The following NDUFAF6 variants were observed in gnomAD, a reference collection of about 807,000 sequenced individuals.
NDUFAF6 encodes the protein NADH dehydrogenase (ubiquinone) complex I, assembly factor 6.
Under a neutral mutation model 40.8 loss-of-function variants are expected in NDUFAF6, and 45 were observed. The observed-to-expected ratio is 1.10, with a 90% CI of 0.87 to 1.42. The LOEUF (loss-of-function observed/expected upper bound fraction) is 1.42, where lower values mean the gene tolerates loss of function less well. Among genes scored for constraint, NDUFAF6 ranks in the 40% most tolerant of loss-of-function variants. The pLI, the probability that NDUFAF6 is intolerant of heterozygous loss-of-function variation, is 0.00. For missense variants in NDUFAF6, 435 were observed against 418.5 expected (o/e 1.04, Z -0.34); for synonymous variants, 185 against 155.9 (o/e 1.19, Z -1.39).
At chr8:95,029,441 T>C (rs1418790625) in intron 1 of NDUFAF6, among the ~76,000 whole-genome samples, 6 of 152,360 alleles carry the variant, frequency 3.9e-5, no homozygotes, top group Admixed American at 3.3e-4. Flanking sequence ...CCCTTAATAC[T>C]TTGGTCTGTA....
chr8:95,018,677 T>A (rs1827568013), intron 2 of NDUFAF6, among the ~76,000 whole-genome samples: 1 of 152,208 alleles, frequency 6.6e-6, no homozygotes, highest in East Asian at 1.9e-4. Context: ...CAAATTGTAT[T>A]GAACTGATTG....
intron 4 of NDUFAF6, among the ~76,000 whole-genome samples, chr8:95,113,937 A>T (rs1337705363): frequency 6.9e-6 from 1 of 145,508 alleles, no homozygotes; most frequent in African/African-American, 2.5e-5. Context: ...ATTCTCACTC[A>T]CAGGTGGGAA....
chr8:94,959,283 G>A (rs575945682), intron 1 of NDUFAF6, among the ~76,000 whole-genome samples: 2 of 152,288 alleles, frequency 1.3e-5, no homozygotes, highest in South Asian at 2.1e-4. Context: ...AATCTCCCAG[G>A]ATGTAAAGGA....
In NDUFAF6 at chr8:95,047,033, T is replaced by C. The variant is rs1159903399; in HGVS notation, c.620T>C (p.Ile207Thr). ...CATGCAGATCATGCTGCAAGTCATA[T>C]TGGAAAAGCACAAGGCATTGTCACT... ...DLHADHAASHIGKAQGIVTCL... is the reference protein window; with the variant it reads ...DLHADHAASHTGKAQGIVTCL... Residue 207 changes from isoleucine (I) to threonine (T), a missense_variant, in exon 6 of 9, where the codon ATT becomes ACT. Physicochemically the swap from Ile to Thr is moderately conservative, Grantham distance 89. Transcript: ENST00000396124. 1.9e-6 allele frequency: 3 copies of C among 1,614,190 alleles called. No individual in the cohort carries two copies. The highest frequency in any genetic ancestry group is 1.1e-5 in the South Asian group (1 of 91,084).
intron 1 of NDUFAF6, among the ~76,000 whole-genome samples, chr8:94,901,414 A>G (rs142866871): frequency 1.3e-5 from 2 of 152,120 alleles, no homozygotes; most frequent in Non-Finnish European, 2.9e-5. Flanking sequence ...CACTCAGGAT[A>G]TACGCTGAAA....
chr8:94,927,262 TAA>T (rs1190827349), intron 1 of NDUFAF6: 2 of 152,640 alleles, frequency 1.3e-5, no homozygotes, highest in African/African-American at 4.8e-5. Flanking sequence ...TACATAAAGA[TAA>T]TATATAATGT....
chr8:94,934,714 T>TA (rs1376860217), intron 1 of NDUFAF6, among the ~76,000 whole-genome samples: 2 of 151,962 alleles, frequency 1.3e-5, no homozygotes, highest in African/African-American at 4.8e-5. Context: ...TCCTCAGAGG[T>TA]AAAATCATAA....
exon 3 of NDUFAF6, chr8:95,103,049 GTGACCCCGA>G (rs1023391266): frequency 6.6e-6 from 1 of 152,058 alleles, no homozygotes; most frequent in African/African-American, 2.4e-5. Flanking sequence ...CTTCATTTTG[GTGACCCCGA>G]TGCAAAGAGA....
In NDUFAF6 at chr8:95,052,033, A is replaced by T. The variant is rs1321384261; in HGVS notation, c.817-141A>T. 5 of 776,808 alleles carry T rather than the reference A, an allele frequency of 6.4e-6. No homozygotes were observed. The Admixed American group carries it at 8.3e-5, about 13-fold the overall frequency. 48.1% of individuals were successfully genotyped at this position (776,808 alleles called of 1,614,324 possible). A position where few individuals can be genotyped will look rare whatever the true frequency, so the allele number is the denominator to read the frequency against. ...TGAGTCCTTTAGGCCTAGGAAACTA[A>T]TCTTAATCTGCAGGAGATGAGCTGT... On this transcript the variant is annotated intron_variant, in intron 7 of 8. Coordinates refer to ENST00000396124, the MANE Select transcript of NDUFAF6 (RefSeq NM_152416.4).
intron 2 of NDUFAF6, among the ~76,000 whole-genome samples, chr8:94,981,760 T>A (rs989688492): frequency 1.3e-5 from 2 of 152,160 alleles, no homozygotes; most frequent in Non-Finnish European, 1.5e-5. Context: ...AGAGCTGATA[T>A]TCTGATTCCT....
chr8:95,087,603 C>T (rs911554440), intron 2 of NDUFAF6: 1 of 152,262 alleles, frequency 6.6e-6, no homozygotes, highest in Non-Finnish European at 1.5e-5. Flanking sequence ...TTCCTCCTTT[C>T]CAAAAGCACT....
intron 8 of NDUFAF6, among the ~76,000 whole-genome samples, chr8:95,056,970 GAAAA>G (rs1186476470): frequency 6.6e-6 from 1 of 151,296 alleles, no homozygotes; most frequent in Non-Finnish European, 1.5e-5. Context: ...AAAAGTATAG[GAAAA>G]AAAAGTCTGG....
At chr8:95,086,702 T>C (rs568703179) in intron 2 of NDUFAF6, among the ~76,000 whole-genome samples, 23 of 151,478 alleles carry the variant, frequency 1.5e-4, no homozygotes, top group Non-Finnish European at 2.9e-4. Flanking sequence ...CCTGGGTTCA[T>C]GCCATTCTCC....
At chr8:94,909,606 CAG>C (rs1315354677) in intron 1 of NDUFAF6, among the ~76,000 whole-genome samples, 5 of 151,564 alleles carry the variant, frequency 3.3e-5, no homozygotes, top group Admixed American at 6.6e-5. Context: ...AGCCTGGCGA[CAG>C]AGTGAGACTC....
At chr8:95,020,650 G>A (rs995726791), upstream of NDUFAF6, among the ~76,000 whole-genome samples, 6 of 152,130 alleles carry the variant, frequency 3.9e-5, no homozygotes, top group South Asian at 2.1e-4. Flanking sequence ...TCTTATTTCC[G>A]GTGCCAAAAA....
In NDUFAF6 at chr8:94,979,005, G is replaced by C. The variant is rs549224737; in HGVS notation, c.-198-1854G>C. 2.2e-4 allele frequency among the ~76,000 whole-genome samples: 34 copies of C among 152,124 alleles called. 1 individual carries two copies. Among genetic ancestry groups the C allele is most frequent in the Non-Finnish European group, 3.8e-4 (26 of 68,010 alleles). ...GTTGGAGGATTGTTTGGGGTGTTTG[G>C]GGTAGAATAAGCCCTGAGACATTTT... is the stretch of plus-strand genomic sequence containing the variant. On this transcript the variant is annotated intron_variant, in intron 1 of 9. Transcript: ENST00000396111.
At position 94,991,802 on chromosome 8, in the gene NDUFAF6, C is replaced by G. The variant is rs1474997908; in HGVS notation, c.-84+10829C>G. ...GAGAGCTTCCTCATTCTTCGCCCCC[C>G]CCCCCTTTTTTTTTTTAAAGCAGCA... On this transcript the variant is annotated intron_variant, in intron 2 of 9. Transcript: ENST00000396111. Among the ~76,000 whole-genome samples, 3 of 141,612 alleles carry G rather than the reference C, an allele frequency of 2.1e-5. 1 individual carries two copies. Among genetic ancestry groups the G allele is most frequent in the African/African-American group, 7.7e-5 (3 of 39,058 alleles). 92.9% of individuals were successfully genotyped at this position (141,612 alleles called of 152,430 possible).
In NDUFAF6 at chr8:95,058,046, G is replaced by A. The variant is rs777858188; in HGVS notation, c.*109G>A. 1.2e-5 allele frequency: 18 copies of A among 1,490,474 alleles called. No homozygotes were observed. The highest frequency in any genetic ancestry group is 1.6e-5 in the Non-Finnish European group (18 of 1,125,158). The allele number at this position is 1,490,474 out of a possible 1,614,324, so 92.3% of individuals were successfully genotyped here. ...CTGTTAAGGAGAAAATGAATTTATT[G>A]AATGGGATGTCAAGTAGCTCACAAA... On this transcript the variant is annotated 3_prime_UTR_variant, in exon 9 of 9. Transcript: ENST00000396124.
intron 9 of NDUFAF6, among the ~76,000 whole-genome samples, chr8:95,064,540 CGTGTGTGT>C (rs10559024): frequency 1.2e-3 from 178 of 149,736 alleles, no homozygotes; most frequent in African/African-American, 4.2e-3. Flanking sequence ...ATCATTTATT[CGTGTGTGT>C]GTGTGTGTGT....
Sources: allele counts gnomAD v4.1 joint callset (sites outside exome capture counted in the v4.1 genomes callset), GRCh38; gene constraint gnomAD v4.1.1; transcripts MANE v1.5; gene names NCBI Gene and HGNC (gene_info 2026-07-23, HGNC 2026-07-21).